The following ZNF536 variants were observed in gnomAD, a reference collection of about 807,000 sequenced individuals.
The protein encoded by ZNF536 is zinc finger protein 536.
ZNF536 carries 13 observed loss-of-function variants against 84.5 expected under a neutral mutation model. The ratio of observed to expected loss-of-function variants is 0.15; its 90% CI spans 0.10 to 0.24. The LOEUF is 0.24. ZNF536 is among the 10% of genes least tolerant of loss of function. The pLI is 1.00. For synonymous variants in ZNF536, 811 were observed against 742.5 expected, an observed-to-expected ratio of 1.09 and a Z score of -1.50; for missense variants, 1,536 against 1,747.5, an observed-to-expected ratio of 0.88 and a Z score of 2.16.
chr19:30,404,971 T>C (rs2050206808), intron 1 of ZNF536, among the ~76,000 whole-genome samples: 1 of 152,192 alleles, frequency 6.6e-6, no homozygotes, highest in African/African-American at 2.4e-5. Flanking sequence ...CATGGAAACA[T>C]TTACTTATGT....
intron 1 of ZNF536, among the ~76,000 whole-genome samples, chr19:30,695,324 T>TA (rs2051611162): frequency 6.6e-6 from 1 of 152,186 alleles, no homozygotes; most frequent in African/African-American, 2.4e-5. Flanking sequence ...GGTCCTTCAG[T>TA]AAACAACGTC....
intron 1 of ZNF536, among the ~76,000 whole-genome samples, chr19:30,592,686 T>C (rs2047315424): frequency 6.6e-6 from 1 of 151,230 alleles, no homozygotes; most frequent in African/African-American, 2.4e-5. Flanking sequence ...ACAAATATCT[T>C]CTGGGTTTTT....
intron 1 of ZNF536, among the ~76,000 whole-genome samples, chr19:30,601,903 C>A (rs2047700602): frequency 6.6e-6 from 1 of 152,184 alleles, no homozygotes; most frequent in Non-Finnish European, 1.5e-5. Flanking sequence ...CATTCTAGAA[C>A]TTGCTAGCCA....
At chr19:30,414,170 C>G (rs2050616721) in intron 1 of ZNF536, among the ~76,000 whole-genome samples, 1 of 147,614 alleles carries the variant, frequency 6.8e-6, no homozygotes, top group Non-Finnish European at 1.5e-5. Flanking sequence ...TATGATACTA[C>G]TATTTCACTA....
At chr19:30,336,672 G>C (rs2047394101) in intron 2 of ZNF536, among the ~76,000 whole-genome samples, 1 of 152,124 alleles carries the variant, frequency 6.6e-6, no homozygotes, top group African/African-American at 2.4e-5. Flanking sequence ...GGTGTGTCTG[G>C]GGGCAGGAGG....
intron 2 of ZNF536, among the ~76,000 whole-genome samples, chr19:30,350,957 T>G (rs191938699): frequency 3.3e-4 from 51 of 152,324 alleles, no homozygotes; most frequent in Non-Finnish European, 6.8e-4. Context: ...GGGGCATTAA[T>G]ACATTATCAT....
chr19:30,654,265 G>A (rs756038766), intron 1 of ZNF536, among the ~76,000 whole-genome samples: 6 of 152,130 alleles, frequency 3.9e-5, no homozygotes, highest in Non-Finnish European at 7.4e-5. Context: ...GTGACCGCCC[G>A]GCATAGTAAT....
In ZNF536 at chr19:30,534,807, T is replaced by C. The variant is rs542074251; in HGVS notation, c.2171-40T>C. On this transcript the variant is annotated intron_variant, in intron 2 of 4. Transcript: ENST00000355537. ...GTTTTGGTGCGAACAACTCCTGACA[T>C]GTGCTGAAGTGATGTGAGAACGTTT... The C allele has an allele frequency of 2.4e-5, 38 of 1,561,058 alleles. No homozygotes were observed. In the Admixed American group the frequency reaches 4.9e-4, roughly 20 times the overall value.
At chr19:30,376,399 C>T (rs2048819586) in intron 1 of ZNF536, among the ~76,000 whole-genome samples, 1 of 152,190 alleles carries the variant, frequency 6.6e-6, no homozygotes, top group Non-Finnish European at 1.5e-5. Flanking sequence ...TTGCCATTTG[C>T]TCCACCCCAG....
chr19:30,227,266 C>T (rs942572795), upstream of ZNF536, among the ~76,000 whole-genome samples: 1 of 152,016 alleles, frequency 6.6e-6, no homozygotes, highest in Non-Finnish European at 1.5e-5. Context: ...AAAGTTAAGT[C>T]CCCCCCTTTT....
intron 1 of ZNF536, among the ~76,000 whole-genome samples, chr19:30,243,966 T>C (rs1004388916): frequency 2.0e-5 from 3 of 152,228 alleles, no homozygotes; most frequent in African/African-American, 7.2e-5. Context: ...CAATCCTATA[T>C]ACTTTTTCCT....
At chr19:30,537,381 C>T (rs1269847994) in intron 3 of ZNF536, among the ~76,000 whole-genome samples, 2 of 152,148 alleles carry the variant, frequency 1.3e-5, no homozygotes, top group South Asian at 2.1e-4. Flanking sequence ...GCTTGAGCTG[C>T]CTGCAGGAGT....
At chr19:30,469,411 C>T (rs1410795417) in intron 2 of ZNF536, among the ~76,000 whole-genome samples, 1 of 150,394 alleles carries the variant, frequency 6.6e-6, no homozygotes, top group Non-Finnish European at 1.5e-5. Context: ...GACTCCATCT[C>T]AAAAAAAAAG....
At chr19:30,370,297 C>T (rs563853224), upstream of ZNF536, among the ~76,000 whole-genome samples, 39 of 152,170 alleles carry the variant, frequency 2.6e-4, no homozygotes, top group Non-Finnish European at 4.6e-4. Context: ...GGTTGAATGG[C>T]GTCTGTGCTG....
chr19:30,358,442 T>A (rs1600373641), intron 3 of ZNF536, among the ~76,000 whole-genome samples: 1 of 152,136 alleles, frequency 6.6e-6, no homozygotes, highest in Non-Finnish European at 1.5e-5. Flanking sequence ...TGTGTCTGGG[T>A]GGTGGGGTTT....
chr19:30,326,064 T>C (rs2047014593), intron 2 of ZNF536, among the ~76,000 whole-genome samples: 1 of 152,240 alleles, frequency 6.6e-6, no homozygotes, highest in South Asian at 2.1e-4. Context: ...GGAGTGTTCT[T>C]TATTTACAGT....
Position 30,549,048 on chromosome 19 carries a change from G to A in ZNF536, c.3429G>A (p.Glu1143=), listed in dbSNP as rs1277250754. The change falls in exon 4 of 5, where the codon GAG becomes GAA. Residue 1143 remains glutamate (E), a synonymous_variant. Coordinates refer to ENST00000355537, the MANE Select transcript of ZNF536 (RefSeq NM_014717.3). ...CTGATGGAAAGGCCCACTCTGAAGAGGATGTCCCCATCCTGATCCCCGAAA... is the reference window on the plus strand; with the variant it reads ...CTGATGGAAAGGCCCACTCTGAAGAAGATGTCCCCATCCTGATCCCCGAAA... ...KEPDGKAHSE[E]DVPILIPETT... is the part of the protein sequence containing the mutation. 6.2e-7 allele frequency: 1 copy of A among 1,614,044 alleles called. No individual in the cohort carries two copies. The highest frequency in any genetic ancestry group is 8.5e-7 in the Non-Finnish European group (1 of 1,180,040).
intron 1 of ZNF536, among the ~76,000 whole-genome samples, chr19:30,380,803 C>A (rs1295597364): frequency 6.6e-6 from 1 of 152,126 alleles, no homozygotes; most frequent in Non-Finnish European, 1.5e-5. Flanking sequence ...CTGAGTCCAC[C>A]CAGGTGCCCG....
chr19:30,614,074 G>C (rs1449187784), intron 1 of ZNF536, among the ~76,000 whole-genome samples: 4 of 152,158 alleles, frequency 2.6e-5, no homozygotes, highest in Non-Finnish European at 5.9e-5. Flanking sequence ...TATTGGCCAG[G>C]CTAGTCTCGA....
Sources: gnomAD v4.1 joint callset for allele counts (sites outside exome capture counted in the v4.1 genomes callset) on GRCh38, gnomAD v4.1.1 for gene constraint, MANE v1.5 for transcripts, NCBI Gene and HGNC (gene_info 2026-07-23, HGNC 2026-07-21) for gene names.